The following PBX3 variants were observed in gnomAD, a reference collection of about 807,000 sequenced individuals.
PBX3 encodes the protein pre-B-cell leukemia transcription factor 3.
Under a neutral mutation model 48.5 loss-of-function variants are expected in PBX3, and 14 were observed. The observed-to-expected ratio is 0.29, with a 90% CI of 0.19 to 0.45. The LOEUF is 0.45. PBX3 is among the 20% of genes least tolerant of loss of function. PBX3 has a pLI of 1.00. For synonymous variants in PBX3, 210 were observed against 200.3 expected, an observed-to-expected ratio of 1.05 and a Z score of -0.41; for missense variants, 386 against 546.7, an observed-to-expected ratio of 0.71 and a Z score of 2.93.
intron 2 of PBX3, among the ~76,000 whole-genome samples, chr9:125,909,787 G>T (rs779505201): frequency 6.6e-6 from 1 of 151,986 alleles, no homozygotes; most frequent in Non-Finnish European, 1.5e-5. Flanking sequence ...AAAATAACTC[G>T]GTCCTGCCCA....
chr9:125,775,793 T>G (rs1168872460), intron 2 of PBX3, among the ~76,000 whole-genome samples: 1 of 152,226 alleles, frequency 6.6e-6, no homozygotes, highest in Non-Finnish European at 1.5e-5. Flanking sequence ...TGATAGGAGT[T>G]GCATTGAATT....
chr9:125,796,356 G>A (rs539906907), intron 2 of PBX3, among the ~76,000 whole-genome samples: 161 of 152,196 alleles, frequency 1.1e-3, no homozygotes, highest in Non-Finnish European at 1.8e-3. Flanking sequence ...ACACTAAGTG[G>A]GATGGTTTAC....
At chr9:125,962,285 C>A in intron 7 of PBX3, 71 bp downstream of exon 7, 1 of 846,376 alleles carries the variant, frequency 1.2e-6, no homozygotes, top group South Asian at 1.5e-5. Flanking sequence ...TCCTCTGACC[C>A]CATGGAAGTG....
At chr9:125,851,735 T>G (rs1437259688) in intron 2 of PBX3, among the ~76,000 whole-genome samples, 1 of 152,118 alleles carries the variant, frequency 6.6e-6, no homozygotes, top group African/African-American at 2.4e-5. Flanking sequence ...CTGAATTTCT[T>G]AAGAACTTTT....
At chr9:125,933,067 A>G (rs532863701) in intron 4 of PBX3, among the ~76,000 whole-genome samples, 8 of 152,350 alleles carry the variant, frequency 5.3e-5, no homozygotes, top group East Asian at 1.9e-4. Flanking sequence ...TGCTTTCTAA[A>G]AAATAAATAA....
chr9:125,859,333 A>G (rs944190366), intron 2 of PBX3, among the ~76,000 whole-genome samples: 1 of 152,184 alleles, frequency 6.6e-6, no homozygotes, highest in Non-Finnish European at 1.5e-5. Flanking sequence ...CCATGAAAGT[A>G]GGGACCTTAT....
intron 2 of PBX3, among the ~76,000 whole-genome samples, chr9:125,847,387 T>C (rs1486171003): frequency 1.3e-5 from 2 of 152,048 alleles, no homozygotes; most frequent in Non-Finnish European, 2.9e-5. Flanking sequence ...AATAGGTGAA[T>C]TGATTAAATT....
At chr9:125,929,200 G>A (rs1422053149) in intron 3 of PBX3, among the ~76,000 whole-genome samples, 1 of 152,086 alleles carries the variant, frequency 6.6e-6, no homozygotes, top group East Asian at 1.9e-4. Flanking sequence ...TCTCACCAAA[G>A]GCCAGGCCTG....
chr9:125,841,170 A>G (rs1325534200), intron 2 of PBX3, among the ~76,000 whole-genome samples: 1 of 152,194 alleles, frequency 6.6e-6, no homozygotes, highest in East Asian at 1.9e-4. Flanking sequence ...TAAATTGTCT[A>G]AGTCACCTAG....
chr9:125,920,826 G>A (rs1291708514), intron 3 of PBX3, among the ~76,000 whole-genome samples: 9 of 152,330 alleles, frequency 5.9e-5, no homozygotes, highest in South Asian at 2.1e-4. Context: ...ATCAGGTAGC[G>A]TTTGGCTACC....
chr9:125,866,243 A>G (rs1181907335), intron 2 of PBX3, among the ~76,000 whole-genome samples: 2 of 152,186 alleles, frequency 1.3e-5, no homozygotes, highest in African/African-American at 4.8e-5. Context: ...CTATGTCATC[A>G]TCTTTACTTG....
At chr9:125,957,307 G>A (rs1842331174) in intron 5 of PBX3, among the ~76,000 whole-genome samples, 2 of 152,184 alleles carry the variant, frequency 1.3e-5, no homozygotes, top group Non-Finnish European at 2.9e-5. Flanking sequence ...TGATGTCAAG[G>A]AAACAGTGCC....
chr9:125,755,232 CTAAT>C (rs937776007), intron 2 of PBX3, among the ~76,000 whole-genome samples: 2 of 148,040 alleles, frequency 1.4e-5, no homozygotes, highest in African/African-American at 5.2e-5. Flanking sequence ...TTCAAATTAA[CTAAT>C]TGAGAATGTC....
chr9:125,833,812 G>A (rs1839038435), intron 2 of PBX3, among the ~76,000 whole-genome samples: 1 of 152,126 alleles, frequency 6.6e-6, no homozygotes, highest in African/African-American at 2.4e-5. Context: ...GAATATTTGT[G>A]TATAAGTTTT....
intron 2 of PBX3, among the ~76,000 whole-genome samples, chr9:125,812,919 C>A (rs1024832183): frequency 1.3e-5 from 2 of 152,176 alleles, no homozygotes; most frequent in Admixed American, 6.5e-5. Context: ...CTGTATAGGG[C>A]ACTTACCATG....
chr9:125,797,588 T>G (rs888621988), intron 2 of PBX3: 2 of 152,174 alleles, frequency 1.3e-5, no homozygotes, highest in Non-Finnish European at 2.9e-5. Context: ...TGTGATGTTA[T>G]GAGATACATA....
In PBX3 at chr9:125,967,165, G is replaced by A. The variant is rs1011838831; in HGVS notation, c.*1242G>A. On this transcript the variant is annotated 3_prime_UTR_variant, in exon 9 of 9. Transcript: ENST00000373489. ...TTCAGTACTGTATATTTCACCCTGT[G>A]TAATGGGGCCCCCTCTCCTTTCTCT... 3 of 151,324 alleles carry A rather than the reference G, an allele frequency of 2.0e-5. No individual in the cohort carries two copies. Among genetic ancestry groups the A allele is most frequent in the African/African-American group, 7.3e-5 (3 of 40,988 alleles). 9.4% of individuals were successfully genotyped at this position (151,324 alleles called of 1,614,324 possible).
At chr9:125,935,691 A>G (rs778119518) in intron 5 of PBX3, 84 bp downstream of exon 5, 296 of 1,246,206 alleles carry the variant, frequency 2.4e-4, no homozygotes, top group Non-Finnish European at 2.9e-4. Flanking sequence ...ATCAAATTTC[A>G]TATCCAAATG....
intron 2 of PBX3, among the ~76,000 whole-genome samples, chr9:125,897,007 CATT>C (rs1383891665): frequency 6.6e-6 from 1 of 151,742 alleles, no homozygotes; most frequent in Non-Finnish European, 1.5e-5. Context: ...AAAATTTAAT[CATT>C]GTTTAAAAGG....
Sources: gnomAD v4.1 joint callset for allele counts (sites outside exome capture counted in the v4.1 genomes callset) on GRCh38, gnomAD v4.1.1 for gene constraint, MANE v1.5 for transcripts, NCBI Gene and HGNC (gene_info 2026-07-23, HGNC 2026-07-21) for gene names.